GPHN: variants seen among roughly 807,000 people sequenced by gnomAD.
GPHN encodes gephyrin.
Under a neutral mutation model 95.5 loss-of-function variants are expected in GPHN, and 17 were observed. The ratio of observed to expected loss-of-function variants is 0.18; its 90% CI spans 0.12 to 0.27. GPHN has a LOEUF of 0.27. GPHN is among the 10% of genes least tolerant of loss of function. The probability of loss-of-function intolerance (pLI) is 1.00; values close to 1 mark genes in which losing one functional copy is unlikely to be tolerated. For missense variants in GPHN, 660 were observed against 978.1 expected (o/e 0.67, Z 4.34); for synonymous variants, 320 against 322.5 (o/e 0.99, Z 0.08).
At chr14:67,290,268 A>G in the GPHN span, among the ~76,000 whole-genome samples, 1 of 152,230 alleles carries the variant, frequency 6.6e-6, no homozygotes, top group East Asian at 1.9e-4. Context: ...ACTTTTAAAG[A>G]AAGATCAGGT....
intron 11 of GPHN, 99 bp from the exon 12 acceptor site, chr14:67,088,884 A>T (rs746050458): frequency 1.3e-6 from 1 of 743,342 alleles, no homozygotes; most frequent in Non-Finnish European, 2.5e-6. Context: ...GCCCATTTAC[A>T]AGCTGTGTCA....
chr14:66,645,301 A>T (rs2064672109), intron 1 of GPHN, among the ~76,000 whole-genome samples: 1 of 152,212 alleles, frequency 6.6e-6, no homozygotes, highest in South Asian at 2.1e-4. Context: ...ACAGATATTT[A>T]TCTAATTACA....
the GPHN span, among the ~76,000 whole-genome samples, chr14:67,537,026 C>T: frequency 1.3e-5 from 2 of 149,612 alleles, no homozygotes; most frequent in African/African-American, 2.5e-5. Context: ...GGTGACAGAG[C>T]GAGACTCCAT....
the GPHN span, among the ~76,000 whole-genome samples, chr14:67,212,332 C>T: frequency 1.1e-3 from 161 of 151,960 alleles, no homozygotes; most frequent in African/African-American, 3.6e-3. Context: ...TAGGGCCAGG[C>T]GCAGTGTCTC....
chr14:66,898,020 T>TTCA (rs2153545392), intron 5 of GPHN, among the ~76,000 whole-genome samples: 1 of 152,208 alleles, frequency 6.6e-6, no homozygotes, highest in South Asian at 2.1e-4. Flanking sequence ...TGAGCATCTG[T>TTCA]TCAGGTGTTT....
At chr14:67,296,585 C>CAAAAAAA in the GPHN span, among the ~76,000 whole-genome samples, 127 of 51,010 alleles carry the variant, frequency 2.5e-3, 6 homozygotes, top group African/African-American at 3.8e-3. Flanking sequence ...AACTCTGTCT[C>CAAAAAAA]AAAAAAAAAA....
At chr14:67,197,047 A>T in the GPHN span, 2 of 151,570 alleles carry the variant, frequency 1.3e-5, no homozygotes, top group East Asian at 3.9e-4. Context: ...TCCCACCTCA[A>T]CCTCCCAAGT....
At chr14:67,438,779 T>C in the GPHN span, among the ~76,000 whole-genome samples, 13,984 of 148,728 alleles carry the variant, frequency 0.094, 1,597 homozygotes, top group African/African-American at 0.26. Flanking sequence ...GAGAATTGCT[T>C]GAACCCAGGG....
chr14:66,646,247 G>A (rs1042301481), intron 1 of GPHN, among the ~76,000 whole-genome samples: 2 of 152,072 alleles, frequency 1.3e-5, no homozygotes, highest in Admixed American at 1.3e-4. Flanking sequence ...CAAAACCACA[G>A]TGAGATATTA....
the GPHN span, among the ~76,000 whole-genome samples, chr14:67,622,850 T>C: frequency 6.6e-6 from 1 of 152,340 alleles, no homozygotes; most frequent in Non-Finnish European, 1.5e-5. Flanking sequence ...AGGAGACCTC[T>C]ATAACAATCA....
intron 11 of GPHN, among the ~76,000 whole-genome samples, chr14:67,081,024 G>A (rs2076675054): frequency 6.6e-6 from 1 of 152,036 alleles, no homozygotes; most frequent in Admixed American, 6.6e-5. Flanking sequence ...TGGGCATTTG[G>A]GCTGGTTCCA....
At chr14:67,444,046 C>A in the GPHN span, among the ~76,000 whole-genome samples, 1 of 152,272 alleles carries the variant, frequency 6.6e-6, no homozygotes, top group African/African-American at 2.4e-5. Flanking sequence ...ACAATGCAAC[C>A]ATTTGTCTCT....
intron 11 of GPHN, among the ~76,000 whole-genome samples, chr14:67,062,848 A>C (rs982980913): frequency 6.6e-6 from 1 of 152,038 alleles, no homozygotes; most frequent in African/African-American, 2.4e-5. Flanking sequence ...AGATTGCAAA[A>C]ATTTTCTCCC....
chr14:66,914,560 A>G lies in GPHN; in HGVS notation c.390-1443A>G, dbSNP rs1287002997. Among the ~76,000 whole-genome samples the G allele has an allele frequency of 2.6e-5, 4 of 152,118 alleles. No homozygotes were observed. The East Asian group carries it at 7.7e-4, about 29-fold the overall frequency. ...TCCTTCATAGAAATATTGGGAGGAT[A>G]ATATGCAGTAATTGTTATGGTAATA... On this transcript the variant is annotated intron_variant, in intron 5 of 22. Coordinates refer to ENST00000478722, the MANE Select transcript of GPHN (RefSeq NM_020806.5).
chr14:67,412,632 G>A, the GPHN span, among the ~76,000 whole-genome samples: 1 of 152,096 alleles, frequency 6.6e-6, no homozygotes, highest in African/African-American at 2.4e-5. Context: ...CCCCCTGTCC[G>A]CAGGATATAC....
the GPHN span, among the ~76,000 whole-genome samples, chr14:67,414,105 G>A: frequency 6.6e-6 from 1 of 152,208 alleles, no homozygotes; most frequent in African/African-American, 2.4e-5. Context: ...CAAAGAGGCT[G>A]TCTTGGCCCC....
At chr14:67,465,211 C>T in the GPHN span, among the ~76,000 whole-genome samples, 2 of 152,320 alleles carry the variant, frequency 1.3e-5, no homozygotes, top group Non-Finnish European at 1.5e-5. Flanking sequence ...GGAAGCTCCA[C>T]GGAGATAGAA....
chr14:67,388,539 C>G, the GPHN span, among the ~76,000 whole-genome samples: 5 of 152,204 alleles, frequency 3.3e-5, no homozygotes, highest in Non-Finnish European at 5.9e-5. Flanking sequence ...CCAAGTCTCA[C>G]AGACTTGCAA....
intron 1 of GPHN, among the ~76,000 whole-genome samples, chr14:66,613,202 G>C (rs1340583450): frequency 6.6e-6 from 1 of 151,982 alleles, no homozygotes; most frequent in Non-Finnish European, 1.5e-5. Flanking sequence ...TTTTATGTGT[G>C]TTTCTGTTTA....
Sources: gnomAD v4.1 joint callset for allele counts (sites outside exome capture counted in the v4.1 genomes callset) on GRCh38, gnomAD v4.1.1 for gene constraint, MANE v1.5 for transcripts, NCBI Gene and HGNC (gene_info 2026-07-23, HGNC 2026-07-21) for gene names.